EXT2: variants seen among roughly 807,000 people sequenced by gnomAD.
EXT2 encodes the protein exostosin glycosyltransferase 2.
Under a neutral mutation model 81.6 loss-of-function variants are expected in EXT2, and 53 were observed. The observed-to-expected ratio is 0.65, with a 90% CI of 0.52 to 0.82. The LOEUF (loss-of-function observed/expected upper bound fraction) is 0.82. EXT2 is among the 40% of genes least tolerant of loss of function. The pLI, the probability that EXT2 is intolerant of heterozygous loss-of-function variation, is 0.00. For synonymous variants in EXT2, 320 were observed against 340.0 expected, an observed-to-expected ratio of 0.94 and a Z score of 0.65; for missense variants, 774 against 910.2, an observed-to-expected ratio of 0.85 and a Z score of 1.93.
chr11:44,106,622 G>T (rs544249439), intron 1 of EXT2, among the ~76,000 whole-genome samples: 1 of 152,166 alleles, frequency 6.6e-6, no homozygotes, highest in African/African-American at 2.4e-5. Flanking sequence ...ATGAATAAGT[G>T]AACGAAAACA....
intron 10 of EXT2, among the ~76,000 whole-genome samples, chr11:44,222,752 A>AT (rs1955795546): frequency 6.6e-6 from 1 of 152,128 alleles, no homozygotes; most frequent in African/African-American, 2.4e-5. Context: ...CACCAAAAGC[A>AT]TGATCCATAA....
chr11:44,210,829 A>G (rs567092306), intron 10 of EXT2, among the ~76,000 whole-genome samples: 1 of 152,332 alleles, frequency 6.6e-6, no homozygotes, highest in African/African-American at 2.4e-5. Context: ...TCATAATTGG[A>G]AAGATATACC....
chr11:44,112,032 C>T (rs950636668), intron 3 of EXT2, among the ~76,000 whole-genome samples: 15 of 152,154 alleles, frequency 9.9e-5, no homozygotes, highest in Admixed American at 6.5e-4. Flanking sequence ...CCGATAGAAT[C>T]GGTCTGCTTT....
chr11:44,096,227 A>G (rs1453012781), intron 1 of EXT2: 4 of 1,534,394 alleles, frequency 2.6e-6, no homozygotes, highest in South Asian at 1.2e-5. Context: ...CCCGCCAGCC[A>G]CAGGGATCTG....
At chr11:44,130,195 C>T in intron 7 of EXT2, 57 bp downstream of exon 7, 1 of 1,384,476 alleles carries the variant, frequency 7.2e-7, no homozygotes, top group African/African-American at 1.4e-5. Flanking sequence ...GTGGCCTTGA[C>T]TGGATACAGA....
At chr11:44,218,964 A>AT (rs1348686801) in intron 10 of EXT2, among the ~76,000 whole-genome samples, 1 of 151,206 alleles carries the variant, frequency 6.6e-6, no homozygotes, top group Non-Finnish European at 1.5e-5. Context: ...TGCCCAGCTG[A>AT]TTTTTTTGTA....
intron 10 of EXT2, among the ~76,000 whole-genome samples, chr11:44,210,735 A>G (rs1238201840): frequency 6.6e-6 from 1 of 152,240 alleles, no homozygotes; most frequent in Non-Finnish European, 1.5e-5. Context: ...AAAAACTGAA[A>G]TACTTGAAAA....
intron 7 of EXT2, among the ~76,000 whole-genome samples, chr11:44,131,751 TC>T (rs1019257469): frequency 5.9e-5 from 9 of 152,190 alleles, no homozygotes; most frequent in Non-Finnish European, 1.3e-4. Context: ...ACCTTTTCTT[TC>T]CCCGCCGAGG....
chr11:44,120,039 AGAAAACT>A (rs1954294203), intron 4 of EXT2, among the ~76,000 whole-genome samples: 1 of 152,244 alleles, frequency 6.6e-6, no homozygotes, highest in South Asian at 2.1e-4. Flanking sequence ...AATCCAGGGA[AGAAAACT>A]GAAAATAAAA....
chr11:44,145,810 A>G (rs924271429), intron 7 of EXT2, among the ~76,000 whole-genome samples: 2 of 152,210 alleles, frequency 1.3e-5, no homozygotes, highest in Non-Finnish European at 2.9e-5. Context: ...TATTATAATC[A>G]TCTAAAATAT....
At chr11:44,158,576 TAATA>T (rs1014988072) in intron 7 of EXT2, among the ~76,000 whole-genome samples, 8 of 150,796 alleles carry the variant, frequency 5.3e-5, no homozygotes, top group Non-Finnish European at 7.4e-5. Flanking sequence ...TAATTAATTT[TAATA>T]AATTGATTTT....
intron 8 of EXT2, among the ~76,000 whole-genome samples, chr11:44,180,402 T>G (rs1955219161): frequency 6.6e-6 from 1 of 152,210 alleles, no homozygotes; most frequent in South Asian, 2.1e-4. Flanking sequence ...AGGATTTTGT[T>G]TTCTTTCTTG....
At chr11:44,227,593 A>G (rs1955851741) in intron 10 of EXT2, among the ~76,000 whole-genome samples, 2 of 152,242 alleles carry the variant, frequency 1.3e-5, no homozygotes, top group Admixed American at 6.5e-5. Context: ...GACTCAATCT[A>G]GGCTGCCCCC....
chr11:44,146,046 C>T (rs912121268), intron 7 of EXT2, among the ~76,000 whole-genome samples: 30 of 152,218 alleles, frequency 2.0e-4, no homozygotes, highest in African/African-American at 6.0e-4. Context: ...CCAAGATCAA[C>T]GAGTTGGCAG....
rs561391274 is a variant in EXT2 at position 44,223,472 on chromosome 11, C to A, written c.1663-8881C>A. Among the ~76,000 whole-genome samples the A allele has an allele frequency of 5.3e-5, 8 of 152,264 alleles. No homozygotes were observed. The East Asian group carries it at 7.7e-4, about 15-fold the overall frequency. Reference sequence around the variant, plus strand: ...CCATAAAAAGAGCAAACTACTGATACACACAACAGCTTGGATGATTCTCCA... The same window carrying A: ...CCATAAAAAGAGCAAACTACTGATAAACACAACAGCTTGGATGATTCTCCA... On this transcript the variant is annotated intron_variant, in intron 10 of 13. Coordinates refer to ENST00000533608, the MANE Select transcript of EXT2 (RefSeq NM_207122.2).
In EXT2 at chr11:44,108,142, A is replaced by G. The variant is rs751450613; in HGVS notation, c.430A>G (p.Thr144Ala). The G allele has an allele frequency of 2.5e-6, 4 of 1,614,158 alleles. No homozygotes were observed. The South Asian group carries it at 4.4e-5, about 18-fold the overall frequency. The stretch of plus-strand genomic sequence containing the variant: ...GGCCATCTCAGACAGTGACTACTAC[A>G]CTGATGACATCAACCGGGCCTGTCT... ...LMAISDSDYY[T>A]DDINRACLFV... The change falls in exon 2 of 14, where the codon ACT (threonine) becomes GCT (alanine). Residue 144 changes from threonine (T) to alanine (A), a missense_variant. Thr to Ala is a moderately conservative substitution (Grantham distance 58). Around this residue, in one of 2 missense-constraint regions of EXT2, gnomAD observed 626 missense variants for 670.5 expected, o/e 0.93. Coordinates refer to ENST00000533608, the MANE Select transcript of EXT2 (RefSeq NM_207122.2).
chr11:44,240,093 G>A (rs1956019784), intron 13 of EXT2, among the ~76,000 whole-genome samples: 1 of 152,200 alleles, frequency 6.6e-6, no homozygotes, highest in Non-Finnish European at 1.5e-5. Flanking sequence ...TAGTATAGAT[G>A]CAGTTTTTTT....
intron 7 of EXT2, among the ~76,000 whole-genome samples, chr11:44,131,696 A>G (rs1403044558): frequency 6.6e-6 from 1 of 152,158 alleles, no homozygotes; most frequent in Non-Finnish European, 1.5e-5. Flanking sequence ...CTTGTGTAGA[A>G]GAAAATGCCC....
chr11:44,244,416 C>G lies in EXT2; in HGVS notation c.*129C>G, dbSNP rs141864253. ...GACCTACTTGGATCTTGGCATGCAC[C>G]CACCTAACCCACTTTCTCAAGAACA... is the stretch of plus-strand genomic sequence containing the variant. On this transcript the variant is annotated 3_prime_UTR_variant, in exon 14 of 14. Transcript: ENST00000533608. The G allele has an allele frequency of 1.8e-4, 160 of 884,658 alleles. No homozygotes were observed. The East Asian group carries it at 3.5e-3, about 19-fold the overall frequency. 54.8% of individuals were successfully genotyped at this position (884,658 alleles called of 1,614,324 possible).
Sources: allele counts gnomAD v4.1 joint callset (sites outside exome capture counted in the v4.1 genomes callset), GRCh38; gene constraint gnomAD v4.1.1; regional missense constraint gnomAD v4.1.1; transcripts MANE v1.5; gene names NCBI Gene and HGNC (gene_info 2026-07-23, HGNC 2026-07-21).